PDE1C: variants seen among roughly 807,000 people sequenced by gnomAD.
The protein encoded by PDE1C is dual specificity calcium/calmodulin-dependent 3',5'-cyclic nucleotide phosphodiesterase 1C.
A neutral mutation model predicts 93.1 loss-of-function variants in PDE1C; 62 were observed. The observed-to-expected ratio is 0.67, with a 90% CI of 0.54 to 0.82. The LOEUF (loss-of-function observed/expected upper bound fraction) is 0.82, where lower values mean the gene tolerates loss of function less well. PDE1C is among the 40% of genes least tolerant of loss of function. The pLI is 0.00. For missense variants in PDE1C, 742 were observed against 884.6 expected (o/e 0.84, Z 2.04); for synonymous variants, 325 against 310.1 (o/e 1.05, Z -0.50).
At chr7:32,297,406 C>T (rs1481874299) in intron 1 of PDE1C, among the ~76,000 whole-genome samples, 1 of 152,018 alleles carries the variant, frequency 6.6e-6, no homozygotes, top group Non-Finnish European at 1.5e-5. Context: ...TGAGTACTTC[C>T]AAAAGTAGGA....
At chr7:32,085,284 C>T (rs1248010982) in intron 3 of PDE1C, among the ~76,000 whole-genome samples, 1 of 129,186 alleles carries the variant, frequency 7.7e-6, no homozygotes, top group Non-Finnish European at 1.6e-5. Flanking sequence ...ACACATACAC[C>T]CTCCCAAGAC....
At chr7:31,812,729 C>G (rs1291964093) in intron 15 of PDE1C, among the ~76,000 whole-genome samples, 1 of 152,138 alleles carries the variant, frequency 6.6e-6, no homozygotes, top group Non-Finnish European at 1.5e-5. Context: ...TATTTACTAT[C>G]TTGTCCCTTA....
At chr7:31,639,211 G>A in the PDE1C span, among the ~76,000 whole-genome samples, 5 of 152,120 alleles carry the variant, frequency 3.3e-5, no homozygotes, top group Admixed American at 1.3e-4. Context: ...GGATTTTTCA[G>A]TTACCTATAC....
At chr7:31,675,910 G>A in the PDE1C span, among the ~76,000 whole-genome samples, 1 of 152,080 alleles carries the variant, frequency 6.6e-6, no homozygotes, top group African/African-American at 2.4e-5. Context: ...AGGTGACAAG[G>A]TATCCATCTG....
At chr7:31,932,704 C>A (rs924378561) in intron 2 of PDE1C, among the ~76,000 whole-genome samples, 6 of 152,158 alleles carry the variant, frequency 3.9e-5, no homozygotes, top group African/African-American at 1.2e-4. Context: ...ATCCAGCAAT[C>A]CCATTACTGG....
chr7:31,880,845 G>T lies in PDE1C; in HGVS notation c.144C>A (p.Val48=). The T allele has an allele frequency of 6.3e-7, 1 of 1,599,638 alleles. No individual in the cohort carries two copies. The highest frequency in any genetic ancestry group is 1.7e-5 in the Admixed American group (1 of 59,652). Residue 48 remains valine (V), a synonymous_variant, in exon 3 of 18, where the codon GTC becomes GTA. Transcript: ENST00000396191. The part of the protein sequence containing the change: ...KKTSQRLRSL[V]KQLERGEASV... ...AAGCTTCCCCTCTCTCTAATTGTTT[G>T]ACCAAAGACCGTAATCTAGAAAAAT...
intron 1 of PDE1C, 23 bp downstream of exon 1, chr7:32,070,270 G>A (rs774780784): frequency 1.2e-6 from 2 of 1,613,684 alleles, no homozygotes; most frequent in Non-Finnish European, 1.7e-6. Context: ...AATGGGGCAG[G>A]AGAAGTAAAT....
intron 2 of PDE1C, among the ~76,000 whole-genome samples, chr7:31,947,031 A>T (rs897887660): frequency 1.3e-5 from 2 of 152,264 alleles, no homozygotes; most frequent in African/African-American, 4.8e-5. Flanking sequence ...GAGGTCTGAA[A>T]ATTCCTCTGG....
At chr7:31,945,226 AC>A (rs1806447936) in intron 2 of PDE1C, among the ~76,000 whole-genome samples, 1 of 152,172 alleles carries the variant, frequency 6.6e-6, no homozygotes, top group Admixed American at 6.5e-5. Context: ...TGCTATGATA[AC>A]CCAAAACATT....
chr7:31,934,892 ATTCTCTTTCCAATATTACAAT>A (rs1345235048), intron 2 of PDE1C, among the ~76,000 whole-genome samples: 1 of 152,164 alleles, frequency 6.6e-6, no homozygotes, highest in African/African-American at 2.4e-5. Context: ...CCAACACTGA[ATTCTCTTTCCAATATTACAAT>A]TTCATGGGGA....
the PDE1C span, among the ~76,000 whole-genome samples, chr7:31,632,302 G>T: frequency 6.6e-6 from 1 of 152,064 alleles, no homozygotes; most frequent in Non-Finnish European, 1.5e-5. Context: ...CAATAAATTA[G>T]CCAGGCGTGG....
At chr7:31,695,031 C>T in the PDE1C span, among the ~76,000 whole-genome samples, 41 of 152,174 alleles carry the variant, frequency 2.7e-4, 1 homozygote, top group East Asian at 7.5e-3. Flanking sequence ...CACTGAGGAC[C>T]GAGGGAACCT....
chr7:31,942,812 T>C (rs993852631), intron 2 of PDE1C, among the ~76,000 whole-genome samples: 13 of 152,190 alleles, frequency 8.5e-5, no homozygotes, highest in Non-Finnish European at 1.9e-4. Context: ...TTTCATCCAG[T>C]TGAGCCGATT....
chr7:31,673,438 C>G, the PDE1C span, among the ~76,000 whole-genome samples: 7 of 152,210 alleles, frequency 4.6e-5, no homozygotes, highest in Admixed American at 6.5e-5. Flanking sequence ...ATGTGTGTGT[C>G]TCTCTCTCTT....
chr7:32,318,133 A>G (rs1450644440), intron 1 of PDE1C, among the ~76,000 whole-genome samples: 2 of 152,196 alleles, frequency 1.3e-5, no homozygotes, highest in Non-Finnish European at 2.9e-5. Flanking sequence ...AACTTCCTTT[A>G]AAAGCTTTAA....
At chr7:32,112,949 C>T (rs1798756050) in intron 3 of PDE1C, among the ~76,000 whole-genome samples, 1 of 148,400 alleles carries the variant, frequency 6.7e-6, no homozygotes, top group Admixed American at 6.8e-5. Flanking sequence ...TACTCCTCCT[C>T]TTCCCCTAAG....
chr7:31,665,536 T>C, the PDE1C span, among the ~76,000 whole-genome samples: 1 of 152,196 alleles, frequency 6.6e-6, no homozygotes, highest in Admixed American at 6.6e-5. Flanking sequence ...TCAATCAATA[T>C]ATTAACACTA....
At chr7:31,872,812 C>G (rs1436516506) in intron 6 of PDE1C, among the ~76,000 whole-genome samples, 1 of 151,980 alleles carries the variant, frequency 6.6e-6, no homozygotes, top group Non-Finnish European at 1.5e-5. Context: ...CAATTTGAAG[C>G]ATGAATGGCT....
chr7:32,153,643 A>C (rs971974996), intron 3 of PDE1C, among the ~76,000 whole-genome samples: 1 of 152,234 alleles, frequency 6.6e-6, no homozygotes, highest in Non-Finnish European at 1.5e-5. Context: ...GCCTGAGTTA[A>C]GAATCAGTGA....
Sources: gnomAD v4.1 joint callset for allele counts (sites outside exome capture counted in the v4.1 genomes callset) on GRCh38, gnomAD v4.1.1 for gene constraint, MANE v1.5 for transcripts, NCBI Gene and HGNC (gene_info 2026-07-23, HGNC 2026-07-21) for gene names.